The following FIGLA variants were observed in gnomAD, a reference collection of about 807,000 sequenced individuals.
FIGLA encodes factor in the germline alpha.
Under a neutral mutation model 21.5 loss-of-function variants are expected in FIGLA, and 17 were observed. The observed-to-expected ratio is 0.79, with a 90% CI of 0.54 to 1.19. The LOEUF (loss-of-function observed/expected upper bound fraction) is 1.19, where lower values mean the gene tolerates loss of function less well. Among genes scored for constraint, FIGLA ranks in the 50% most tolerant of loss-of-function variants. The pLI is 0.00. For synonymous variants in FIGLA, 129 were observed against 117.6 expected (o/e 1.10, Z -0.63); for missense variants, 282 against 285.0 (o/e 0.99, Z 0.08).
intron 1 of FIGLA, among the ~76,000 whole-genome samples, chr2:70,789,197 C>G (rs982058431): frequency 6.6e-6 from 1 of 151,636 alleles, no homozygotes; most frequent in Non-Finnish European, 1.5e-5. Flanking sequence ...TAGAAAAAGA[C>G]TGGGTGGATA....
intron 1 of FIGLA, 145 bp downstream of exon 1, chr2:70,790,263 G>T: frequency 5.5e-6 from 4 of 730,820 alleles, no homozygotes; most frequent in Non-Finnish European, 8.3e-6. Context: ...CCATTCTCCT[G>T]ACAAGCTGGG....
chr2:70,790,338 G>A (rs1676037918), intron 1 of FIGLA, 70 bp downstream of exon 1: 3 of 1,416,938 alleles, frequency 2.1e-6, no homozygotes, highest in Non-Finnish European at 2.8e-6. Context: ...CGGACCCCCG[G>A]GTGTTGACCA....
chr2:70,780,597 A>T (rs1675836724), intron 3 of FIGLA, among the ~76,000 whole-genome samples: 1 of 152,230 alleles, frequency 6.6e-6, no homozygotes, highest in Non-Finnish European at 1.5e-5. Flanking sequence ...TTATACAGTT[A>T]ATAAAGGTGA....
chr2:70,777,804 C>A, intron 3 of FIGLA, 133 bp from the exon 4 acceptor site: 1 of 479,186 alleles, frequency 2.1e-6, no homozygotes, highest in Non-Finnish European at 3.8e-6. Flanking sequence ...CATAAACATG[C>A]CAGTGATAGA....
intron 1 of FIGLA, 38 bp downstream of exon 1, chr2:70,790,370 G>C: frequency 6.7e-7 from 1 of 1,490,490 alleles, no homozygotes; most frequent in East Asian, 2.8e-5. Flanking sequence ...GTAGAGCAGG[G>C]AAGGGGGGAA....
At chr2:70,780,257 C>T (rs1411575706) in intron 3 of FIGLA, among the ~76,000 whole-genome samples, 4 of 152,188 alleles carry the variant, frequency 2.6e-5, no homozygotes, top group Admixed American at 2.0e-4. Context: ...AAACGCCCAT[C>T]CCTGCCACTA....
intron 3 of FIGLA, among the ~76,000 whole-genome samples, chr2:70,784,082 A>G (rs939570727): frequency 1.3e-5 from 2 of 151,242 alleles, no homozygotes; most frequent in Non-Finnish European, 2.9e-5. Context: ...CTGGCCAGCG[A>G]AATCTTATAT....
intron 3 of FIGLA, among the ~76,000 whole-genome samples, chr2:70,784,161 C>G (rs1161195847): frequency 6.6e-6 from 1 of 152,136 alleles, no homozygotes; most frequent in Non-Finnish European, 1.5e-5. Context: ...CACAATTAAT[C>G]TAATCAGAAA....
intron 3 of FIGLA, among the ~76,000 whole-genome samples, chr2:70,781,648 G>A (rs1675858040): frequency 6.6e-6 from 1 of 152,190 alleles, no homozygotes. Flanking sequence ...CAATGTGGAT[G>A]ATCTCAAGGG....
intron 3 of FIGLA, 80 bp from the exon 4 acceptor site, chr2:70,777,751 C>T (rs1574348594): frequency 1.5e-6 from 1 of 686,012 alleles, no homozygotes; most frequent in Admixed American, 2.7e-5. Flanking sequence ...AAACTGAGAA[C>T]ATAGTGGCCA....
At chr2:70,780,439 G>A (rs1180247303) in intron 3 of FIGLA, among the ~76,000 whole-genome samples, 2 of 152,160 alleles carry the variant, frequency 1.3e-5, no homozygotes, top group African/African-American at 4.8e-5. Flanking sequence ...ACAGGATCCT[G>A]AAACCTTATG....
chr2:70,777,449 A>G (rs1170954024), intron 4 of FIGLA, 67 bp from the exon 5 acceptor site: 8 of 1,356,584 alleles, frequency 5.9e-6, no homozygotes, highest in Non-Finnish European at 7.9e-6. Flanking sequence ...AGAAATAAAG[A>G]AATATGCAAA....
intron 3 of FIGLA, among the ~76,000 whole-genome samples, chr2:70,781,562 C>T (rs549293077): frequency 9.2e-5 from 14 of 152,210 alleles, no homozygotes; most frequent in South Asian, 4.2e-4. Flanking sequence ...AAAATATTTA[C>T]GTGAACAGTT....
At chr2:70,778,438 A>G (rs1675800458) in intron 3 of FIGLA, among the ~76,000 whole-genome samples, 1 of 152,076 alleles carries the variant, frequency 6.6e-6, no homozygotes, top group South Asian at 2.1e-4. Flanking sequence ...ACAAGTGATC[A>G]ACATTTCTTT....
intron 3 of FIGLA, among the ~76,000 whole-genome samples, chr2:70,781,209 T>C (rs536662745): frequency 6.6e-6 from 1 of 151,930 alleles, no homozygotes; most frequent in Admixed American, 6.5e-5. Context: ...AAAGTTCAAG[T>C]GGGTGAGGAG....
intron 3 of FIGLA, among the ~76,000 whole-genome samples, chr2:70,778,504 T>A (rs1675802675): frequency 6.6e-6 from 1 of 151,702 alleles, no homozygotes; most frequent in African/African-American, 2.4e-5. Flanking sequence ...AAATTTTAAT[T>A]TTTTTCATAT....
intron 2 of FIGLA, among the ~76,000 whole-genome samples, chr2:70,787,152 T>C (rs1675971190): frequency 6.6e-6 from 1 of 152,226 alleles, no homozygotes; most frequent in Non-Finnish European, 1.5e-5. Flanking sequence ...CAAAACCCCA[T>C]GAGACTGGTA....
At chr2:70,777,543 C>T (rs1375271729) in intron 4 of FIGLA, 94 bp downstream of exon 4, 3 of 1,531,132 alleles carry the variant, frequency 2.0e-6, no homozygotes, top group Non-Finnish European at 2.7e-6. Flanking sequence ...TTTAATAGAG[C>T]TCATTGCTAA....
At chr2:70,789,009 G>C (rs782401606) in intron 1 of FIGLA, among the ~76,000 whole-genome samples, 1 of 152,214 alleles carries the variant, frequency 6.6e-6, no homozygotes, top group East Asian at 1.9e-4. Context: ...CTAACAATAA[G>C]AGACTGAATA....
Sources: allele counts gnomAD v4.1 joint callset (sites outside exome capture counted in the v4.1 genomes callset), GRCh38; gene constraint gnomAD v4.1.1; transcripts MANE v1.5; gene names NCBI Gene and HGNC (gene_info 2026-07-23, HGNC 2026-07-21).